TBC1D5: variants seen among roughly 807,000 people sequenced by gnomAD.
The protein encoded by TBC1D5 is TBC1 domain family, member 5.
Under a neutral mutation model 100.3 loss-of-function variants are expected in TBC1D5, and 75 were observed. The observed-to-expected ratio is 0.75, with a 90% CI of 0.62 to 0.91. The LOEUF (loss-of-function observed/expected upper bound fraction) is 0.91, where lower values mean the gene tolerates loss of function less well. Ranked by LOEUF, TBC1D5 falls within the 40% of genes least tolerant of loss-of-function variation. The pLI is 0.00. For missense variants in TBC1D5, 910 were observed against 942.4 expected (o/e 0.97, Z 0.45); for synonymous variants, 323 against 325.6 (o/e 0.99, Z 0.09).
At position 17,662,027 on chromosome 3, in the gene TBC1D5, A is replaced by G. The variant is rs11925079; in HGVS notation, c.-100-38114T>C. Among the ~76,000 whole-genome samples the G allele has an allele frequency of 5.3e-3, 812 of 152,202 alleles. 12 individuals carry two copies. The highest frequency in any genetic ancestry group is 0.019 in the African/African-American group (780 of 41,518). On this transcript the variant is annotated intron_variant, in intron 1 of 21. Transcript: ENST00000253692. Reference sequence around the variant, plus strand: ...CATCTCAGCCTCCCAAGTAGCTAGGACTACAGCTATGCACCACATGTCCAG... The same window carrying G: ...CATCTCAGCCTCCCAAGTAGCTAGGGCTACAGCTATGCACCACATGTCCAG...
At chr3:17,220,535 T>C (rs976068053) in intron 17 of TBC1D5, among the ~76,000 whole-genome samples, 3 of 152,192 alleles carry the variant, frequency 2.0e-5, no homozygotes, top group African/African-American at 7.2e-5. Flanking sequence ...TTTCTGTGTA[T>C]GTCTACTTTT....
chr3:17,735,011 TGAGCCTAG>T (rs974543713), intron 1 of TBC1D5, among the ~76,000 whole-genome samples: 21 of 152,146 alleles, frequency 1.4e-4, no homozygotes, highest in African/African-American at 5.1e-4. Flanking sequence ...AAGGATCACT[TGAGCCTAG>T]GAGCTCAAGG....
chr3:17,515,817 A>G (rs914424589), intron 2 of TBC1D5, among the ~76,000 whole-genome samples: 4 of 152,224 alleles, frequency 2.6e-5, no homozygotes, highest in Non-Finnish European at 4.4e-5. Context: ...TAGTAAGGAA[A>G]GCAAGTAATA....
chr3:17,176,450 A>C (rs560410555), intron 19 of TBC1D5, among the ~76,000 whole-genome samples: 12 of 152,366 alleles, frequency 7.9e-5, no homozygotes, highest in Middle Eastern at 3.4e-3. Flanking sequence ...TCTTGCCTGC[A>C]TAGCAAAGCT....
intron 2 of TBC1D5, among the ~76,000 whole-genome samples, chr3:17,604,535 C>T (rs993076857): frequency 2.0e-5 from 3 of 152,094 alleles, no homozygotes; most frequent in East Asian, 1.9e-4. Flanking sequence ...AAAATTATTG[C>T]GCATATTTTC....
chr3:17,251,167 C>T (rs1366216939), intron 16 of TBC1D5, among the ~76,000 whole-genome samples: 3 of 152,028 alleles, frequency 2.0e-5, no homozygotes, highest in Non-Finnish European at 4.4e-5. Context: ...CATATTATTC[C>T]CTGGCGATTT....
At chr3:17,343,161 G>C (rs977447502) in intron 13 of TBC1D5, among the ~76,000 whole-genome samples, 1 of 152,158 alleles carries the variant, frequency 6.6e-6, no homozygotes, top group Non-Finnish European at 1.5e-5. Flanking sequence ...AATTTATTGA[G>C]AGTTTTTAGC....
At chr3:17,180,818 T>G (rs2068355159) in intron 19 of TBC1D5, among the ~76,000 whole-genome samples, 1 of 150,876 alleles carries the variant, frequency 6.6e-6, no homozygotes, top group South Asian at 2.1e-4. Context: ...GGGTACAATG[T>G]ACACTATTTG....
At chr3:17,693,539 C>T (rs766235380) in intron 1 of TBC1D5, among the ~76,000 whole-genome samples, 1 of 152,214 alleles carries the variant, frequency 6.6e-6, no homozygotes, top group Non-Finnish European at 1.5e-5. Context: ...GAGGGGCGTC[C>T]CCCATCGCTG....
At chr3:17,644,090 A>G (rs1274505051) in intron 1 of TBC1D5, 1 of 152,120 alleles carries the variant, frequency 6.6e-6, no homozygotes, top group Non-Finnish European at 1.5e-5. Context: ...TCCAATTTTC[A>G]AGACTATTAT....
intron 2 of TBC1D5, among the ~76,000 whole-genome samples, chr3:17,522,545 C>G (rs1186530888): frequency 6.6e-6 from 1 of 151,914 alleles, no homozygotes; most frequent in Non-Finnish European, 1.5e-5. Flanking sequence ...TTCAAGACTT[C>G]AATGAATACT....
intron 13 of TBC1D5, among the ~76,000 whole-genome samples, chr3:17,328,310 T>C (rs958756434): frequency 1.3e-5 from 2 of 152,088 alleles, no homozygotes. Context: ...ACTGTCTTTG[T>C]CAGCACACAC....
Position 17,172,798 on chromosome 3 carries a change from G to C in TBC1D5, c.1853-4970C>G, listed in dbSNP as rs116252783. 3.1e-4 allele frequency among the ~76,000 whole-genome samples: 47 copies of C among 152,248 alleles called. 1 individual carries two copies. Among genetic ancestry groups the C allele is most frequent in the African/African-American group, 1.0e-3 (42 of 41,530 alleles). ...AAAAACTTGATTTTTTTCAATGCTA[G>C]AATACAAGTGTTTTCAATTAAATGT... On this transcript the variant is annotated intron_variant, in intron 19 of 21. Coordinates refer to ENST00000253692, the Ensembl canonical transcript of TBC1D5.
At chr3:17,376,406 T>C in intron 10 of TBC1D5, 119 bp downstream of exon 10, 3 of 850,090 alleles carry the variant, frequency 3.5e-6, no homozygotes, top group South Asian at 2.0e-5. Flanking sequence ...CACAATCAAA[T>C]GTTTACAACT....
chr3:17,657,937 CAGATCACGTAT>C lies in TBC1D5; in HGVS notation c.-100-34035_-100-34025del, dbSNP rs1335247337. On this transcript the variant is annotated intron_variant, in intron 1 of 21. Coordinates refer to ENST00000253692, the Ensembl canonical transcript of TBC1D5. ...TGTATAATGACATTTCAGTCAATGT[CAGATCACGTAT>C]AGGATGGTGGTCCCTTAAGATTATA... 2.0e-5 allele frequency among the ~76,000 whole-genome samples: 3 copies of C among 152,306 alleles called. No homozygotes were observed. In the East Asian group the frequency reaches 5.8e-4, roughly 29 times the overall value.
At chr3:17,698,062 C>T in intron 1 of TBC1D5, among the ~76,000 whole-genome samples, 1 of 151,714 alleles carries the variant, frequency 6.6e-6, no homozygotes, top group East Asian at 1.9e-4. Context: ...CATATGGAAC[C>T]AAAAAAGAGC....
chr3:17,619,844 G>T (rs141507090), intron 2 of TBC1D5, among the ~76,000 whole-genome samples: 32 of 152,262 alleles, frequency 2.1e-4, no homozygotes, highest in African/African-American at 7.7e-4. Flanking sequence ...TCCCTACAAA[G>T]AACTTCTAAA....
At chr3:17,292,468 C>G (rs927050273) in intron 14 of TBC1D5, among the ~76,000 whole-genome samples, 41 of 152,046 alleles carry the variant, frequency 2.7e-4, no homozygotes, top group African/African-American at 8.9e-4. Context: ...CATTACGTAA[C>G]TCAAAATTTA....
intron 2 of TBC1D5, among the ~76,000 whole-genome samples, chr3:17,607,501 C>A (rs960401587): frequency 1.3e-5 from 2 of 150,920 alleles, no homozygotes; most frequent in Admixed American, 6.6e-5. Context: ...TTGAAACCTG[C>A]AGTTCTCAGA....
Sources: gnomAD v4.1 joint callset for allele counts (sites outside exome capture counted in the v4.1 genomes callset) on GRCh38, gnomAD v4.1.1 for gene constraint, MANE v1.5 for transcripts, NCBI Gene and HGNC (gene_info 2026-07-23, HGNC 2026-07-21) for gene names.